The following FYN variants were observed in gnomAD, a reference collection of about 807,000 sequenced individuals.
The protein encoded by FYN is tyrosine-protein kinase Fyn.
Under a neutral mutation model 70.2 loss-of-function variants are expected in FYN, and 10 were observed. That is an observed-to-expected ratio of 0.14 (90% CI 0.09 to 0.24). The LOEUF (loss-of-function observed/expected upper bound fraction) is 0.24, where lower values mean the gene tolerates loss of function less well. Among genes scored for constraint, FYN ranks in the 10% least tolerant of loss-of-function variants. The pLI, the probability that FYN is intolerant of heterozygous loss-of-function variation, is 1.00. For missense variants in FYN, 319 were observed against 673.1 expected (o/e 0.47, Z 5.82); for synonymous variants, 236 against 248.6 (o/e 0.95, Z 0.48).
intron 1 of FYN, among the ~76,000 whole-genome samples, chr6:111,867,455 C>CG (rs200104971): frequency 0.075 from 6,429 of 85,690 alleles, 218 homozygotes; most frequent in Middle Eastern, 0.11. Context: ...AACTCCGTCT[C>CG]GGGAAAAAAA....
intron 1 of FYN, among the ~76,000 whole-genome samples, chr6:111,872,763 C>T (rs1774321290): frequency 6.6e-6 from 1 of 151,832 alleles, no homozygotes; most frequent in Non-Finnish European, 1.5e-5. Context: ...TGCCTCGGGG[C>T]CGCACCCCGC....
At chr6:111,667,858 T>C (rs2128402262) in intron 13 of FYN, among the ~76,000 whole-genome samples, 1 of 152,378 alleles carries the variant, frequency 6.6e-6, no homozygotes, top group South Asian at 2.1e-4. Context: ...TACCCGTCCA[T>C]GTTTGCATCT....
chr6:111,837,117 G>A (rs916208518), intron 2 of FYN, among the ~76,000 whole-genome samples: 22 of 152,178 alleles, frequency 1.4e-4, no homozygotes, highest in Non-Finnish European at 2.2e-4. Flanking sequence ...ACCTCACTGC[G>A]GTCACCATAA....
At position 111,700,237 on chromosome 6, in the gene FYN, T is replaced by C. The variant is rs1386630767; in HGVS notation, c.729A>G (p.Val243=). 5 of 1,614,012 alleles carry C rather than the reference T, an allele frequency of 3.1e-6. No homozygotes were observed. The East Asian group carries it at 8.9e-5, about 29-fold the overall frequency. ...ERAAGLCCRL[V]VPCHKGMPRL... is the part of the protein sequence containing the mutation. ...TTGGCATCCCTTTGTGACAGGGAAC[T>C]ACTAGGCGGCAGCAGAGACCTGCAG... Residue 243 remains valine (V), a synonymous_variant, in exon 9 of 14, where the codon GTA becomes GTG. Transcript: ENST00000354650.
intron 3 of FYN, among the ~76,000 whole-genome samples, chr6:111,767,866 T>C (rs1200567442): frequency 1.3e-5 from 2 of 152,212 alleles, no homozygotes; most frequent in African/African-American, 4.8e-5. Context: ...ATAAGCAAAC[T>C]GAATCACATC....
At chr6:111,788,521 G>C (rs1771486751) in intron 2 of FYN, among the ~76,000 whole-genome samples, 1 of 152,140 alleles carries the variant, frequency 6.6e-6, no homozygotes. Context: ...AAAGAATGGG[G>C]GTGAGGGGAG....
At chr6:111,681,826 A>G (rs1195297447) in intron 12 of FYN, among the ~76,000 whole-genome samples, 1 of 152,200 alleles carries the variant, frequency 6.6e-6, no homozygotes, top group Non-Finnish European at 1.5e-5. Context: ...GTCTTGTTCT[A>G]CAGATGAGAA....
chr6:111,679,862 G>A (rs1798712346), intron 12 of FYN, among the ~76,000 whole-genome samples: 1 of 152,098 alleles, frequency 6.6e-6, no homozygotes, highest in African/African-American at 2.4e-5. Context: ...GAGGACAAGG[G>A]GGCCCAGTTC....
At chr6:111,699,766 G>T in intron 9 of FYN, 2 of 1,169,932 alleles carry the variant, frequency 1.7e-6, no homozygotes, top group Non-Finnish European at 1.2e-6. Flanking sequence ...CCGTTAGGAT[G>T]ACACTCAACA....
At chr6:111,781,870 C>A (rs1387893643) in intron 2 of FYN, among the ~76,000 whole-genome samples, 1 of 152,108 alleles carries the variant, frequency 6.6e-6, no homozygotes, top group Non-Finnish European at 1.5e-5. Flanking sequence ...TCCAACAAGT[C>A]TAATATACTG....
chr6:111,713,574 T>C (rs9400494), intron 5 of FYN, among the ~76,000 whole-genome samples: 18,133 of 151,974 alleles, frequency 0.12, 1,991 homozygotes, highest in African/African-American at 0.29. Context: ...ACCTAGATTT[T>C]TTTCTGAAGG....
intron 2 of FYN, among the ~76,000 whole-genome samples, chr6:111,837,512 T>A (rs1773225357): frequency 6.6e-6 from 1 of 152,188 alleles, no homozygotes; most frequent in Admixed American, 6.5e-5. Flanking sequence ...TCTTCTACCC[T>A]GTGTATGAAT....
intron 3 of FYN, among the ~76,000 whole-genome samples, chr6:111,749,820 C>A (rs1802404121): frequency 6.6e-6 from 1 of 151,934 alleles, no homozygotes; most frequent in African/African-American, 2.4e-5. Context: ...AATATATGTT[C>A]AAAATCTGTG....
chr6:111,846,560 TG>T (rs1773533084), intron 2 of FYN, 28 bp downstream of exon 2: 1 of 398,962 alleles, frequency 2.5e-6, no homozygotes, highest in Non-Finnish European at 4.4e-6. Context: ...ACAAGGCACT[TG>T]CTCTCAGTGC....
chr6:111,717,377 A>AG (rs1264187491), intron 4 of FYN, among the ~76,000 whole-genome samples: 2 of 152,098 alleles, frequency 1.3e-5, no homozygotes, highest in Non-Finnish European at 2.9e-5. Context: ...AACTAATAGT[A>AG]GTTCCCTGCA....
At chr6:111,699,531 G>GA in intron 9 of FYN, 1 of 1,613,510 alleles carries the variant, frequency 6.2e-7, no homozygotes, top group Non-Finnish European at 8.5e-7. Flanking sequence ...ACACTTCAGC[G>GA]AAACACCCCT....
chr6:111,863,047 A>G (rs911633455), intron 1 of FYN, among the ~76,000 whole-genome samples: 1 of 152,282 alleles, frequency 6.6e-6, no homozygotes, highest in Non-Finnish European at 1.5e-5. Context: ...ACTGAAGGCC[A>G]GGCTAAGGAA....
chr6:111,674,110 A>AGT (rs1337210459), intron 13 of FYN, among the ~76,000 whole-genome samples: 1 of 152,174 alleles, frequency 6.6e-6, no homozygotes, highest in Non-Finnish European at 1.5e-5. Flanking sequence ...ATCAAAAAGC[A>AGT]GTGGGGCTTT....
At chr6:111,810,706 C>T (rs951237390) in intron 2 of FYN, among the ~76,000 whole-genome samples, 1 of 152,164 alleles carries the variant, frequency 6.6e-6, no homozygotes, top group Non-Finnish European at 1.5e-5. Flanking sequence ...TCCACACATG[C>T]CTACACACCC....
Sources: allele counts gnomAD v4.1 joint callset (sites outside exome capture counted in the v4.1 genomes callset), GRCh38; gene constraint gnomAD v4.1.1; transcripts MANE v1.5; gene names NCBI Gene and HGNC (gene_info 2026-07-23, HGNC 2026-07-21).